Variants in B2M observed in about 807,000 individuals in gnomAD.
The protein encoded by B2M is beta-2-microglobulin, also known as beta chain of MHC class I molecules.
Under a neutral mutation model 14.5 loss-of-function variants are expected in B2M, and 3 were observed. The observed-to-expected ratio is 0.21, with a 90% CI of 0.09 to 0.53. B2M has a LOEUF of 0.53. B2M is among the 20% of genes least tolerant of loss of function. B2M has a pLI of 0.95. For missense variants in B2M, 107 were observed against 140.8 expected (o/e 0.76, Z 1.21); for synonymous variants, 45 against 52.7 (o/e 0.85, Z 0.64).
chr15:44,715,393 A>G, intron 1 of B2M, 30 bp from the exon 2 acceptor site: 2 of 1,607,260 alleles, frequency 1.2e-6, no homozygotes, highest in Non-Finnish European at 1.7e-6. Flanking sequence ...CCCTGGCAAT[A>G]TTAATGTGTC....
At position 44,715,500 on chromosome 15, in the gene B2M, G is replaced by A; in HGVS notation, c.145G>A (p.Gly49Arg). The change falls in exon 2 of 4, where the codon GGG (glycine) becomes AGG (arginine). Residue 49 changes from glycine (G) to arginine (R), a missense_variant. By Grantham distance (125) the Gly-to-Arg change is moderately radical (BLOSUM62 -2). Transcript: ENST00000648006. ...KSNFLNCYVS[G>R]FHPSDIEVDL... Reference sequence around the variant, plus strand: ...AAATTTCCTGAATTGCTATGTGTCTGGGTTTCATCCATCCGACATTGAAGT... The same window carrying A: ...AAATTTCCTGAATTGCTATGTGTCTAGGTTTCATCCATCCGACATTGAAGT... 1.9e-6 allele frequency: 3 copies of A among 1,614,130 alleles called. No individual in the cohort carries two copies. The highest frequency in any genetic ancestry group is 2.5e-6 in the Non-Finnish European group (3 of 1,180,002).
chr15:44,711,529 G>T lies in B2M; in HGVS notation c.-18G>T. On this transcript the variant is annotated 5_prime_UTR_variant, in exon 1 of 4. Transcript: ENST00000648006. ...CGCGCTGGCGGGCATTCCTGAAGCT[G>T]ACAGCATTCGGGCCGAGATGTCTCG... 1 of 1,613,554 alleles carries T rather than the reference G, an allele frequency of 6.2e-7. No homozygotes were observed.
At chr15:44,711,919 T>C (rs1019634739) in intron 1 of B2M, 27 of 548,738 alleles carry the variant, frequency 4.9e-5, no homozygotes, top group African/African-American at 4.4e-4. Flanking sequence ...AGCGCCGAGG[T>C]TGGGGGAGGG....
chr15:44,716,142 T>C, intron 2 of B2M, 187 bp from the exon 3 acceptor site: 1 of 663,526 alleles, frequency 1.5e-6, no homozygotes, highest in Non-Finnish European at 2.6e-6. Context: ...TCTGGCTGGA[T>C]TGGTATCTGA....
rs1204151497 is a variant in B2M, at chr15:44,715,461, G to C, written c.106G>C (p.Glu36Gln). ...TCAGGTTTACTCACGTCATCCAGCA[G>C]AGAATGGAAAGTCAAATTTCCTGAA... is the stretch of plus-strand genomic sequence containing the variant. ...KIQVYSRHPAENGKSNFLNCY... is the reference protein window; with the variant it reads ...KIQVYSRHPAQNGKSNFLNCY... The change falls in exon 2 of 4, where the codon GAG becomes CAG. Residue 36 changes from glutamate (E) to glutamine (Q), a missense_variant. Transcript: ENST00000648006. 6.2e-7 allele frequency: 1 copy of C among 1,614,134 alleles called. No homozygotes were observed. Among genetic ancestry groups the C allele is most frequent in the East Asian group, 2.2e-5 (1 of 44,882 alleles).
Position 44,715,618 on chromosome 15 carries a change from C to A in B2M, c.263C>A (p.Thr88Asn), listed in dbSNP as rs1350126569. Residue 88 changes from threonine to asparagine, a missense_variant, in exon 2 of 4, where the codon ACT (threonine) becomes AAT (asparagine). Transcript: ENST00000648006. ...KDWSFYLLYY[T>N]EFTPTEKDEY... ...TGGTCTTTCTATCTCTTGTACTACA[C>A]TGAATTCACCCCCACTGAAAAAGAT... The A allele has an allele frequency of 6.2e-7, 1 of 1,614,176 alleles. No homozygotes were observed. The highest frequency in any genetic ancestry group is 8.5e-7 in the Non-Finnish European group (1 of 1,180,010).
intron 1 of B2M, chr15:44,712,000 T>C: frequency 2.7e-6 from 1 of 364,776 alleles, no homozygotes; most frequent in Non-Finnish European, 5.3e-6. Context: ...GGTAGGCTCG[T>C]CCCAAAGGCG....
chr15:44,712,030 C>T (rs925492573), intron 1 of B2M: 7 of 288,026 alleles, frequency 2.4e-5, no homozygotes, highest in Non-Finnish European at 4.8e-5. Context: ...GGTTTGTGAA[C>T]GCGTGGAGGG....
intron 1 of B2M, chr15:44,712,090 G>C: frequency 3.1e-6 from 1 of 318,706 alleles, no homozygotes; most frequent in South Asian, 2.8e-5. Flanking sequence ...GTCTGCTGCG[G>C]CTCTGCTTCC....
At chr15:44,712,918 CTTGAGCT>C (rs1358123611) in intron 1 of B2M, 2 of 150,698 alleles carry the variant, frequency 1.3e-5, no homozygotes, top group African/African-American at 4.9e-5. Context: ...GGGAGGATCT[CTTGAGCT>C]TAGGCTTTTG....
intron 3 of B2M, chr15:44,716,703 AC>A (rs2086945688): frequency 2.8e-6 from 1 of 363,326 alleles, no homozygotes; most frequent in Non-Finnish European, 5.1e-6. Context: ...GAGAAAATGA[AC>A]CACTCTTTTC....
At chr15:44,716,220 C>A in intron 2 of B2M, 109 bp from the exon 3 acceptor site, 1 of 1,299,260 alleles carries the variant, frequency 7.7e-7, no homozygotes, top group Non-Finnish European at 1.1e-6. Context: ...GGAACAGCAG[C>A]CTATTCTGCC....
chr15:44,716,293 T>G (rs767484741), intron 2 of B2M, 36 bp from the exon 3 acceptor site: 1 of 1,600,692 alleles, frequency 6.2e-7, no homozygotes, highest in Non-Finnish European at 8.6e-7. Context: ...TAAAACTTAA[T>G]GTCTTCCTTT....
chr15:44,713,433 A>G (rs1381862253), intron 1 of B2M: 1 of 152,228 alleles, frequency 6.6e-6, no homozygotes, highest in Non-Finnish European at 1.5e-5. Flanking sequence ...ACATGTAATG[A>G]TGATTGCCTC....
At chr15:44,716,210 G>T in intron 2 of B2M, 119 bp from the exon 3 acceptor site, 1 of 1,207,418 alleles carries the variant, frequency 8.3e-7, no homozygotes, top group South Asian at 1.2e-5. Flanking sequence ...TTCATGGGTA[G>T]GAACAGCAGC....
rs1183112448 is a variant in B2M, at chr15:44,711,559, G to A, written c.13G>A (p.Val5Met). 1 of 1,613,898 alleles carries A rather than the reference G, an allele frequency of 6.2e-7. No individual in the cohort carries two copies. The change falls in exon 1 of 4, where the codon GTG (valine) becomes ATG (methionine). Residue 5 changes from valine (V) to methionine (M), a missense_variant. Transcript: ENST00000648006. MSRS[V>M]ALAVLALLSL... ...CATTCGGGCCGAGATGTCTCGCTCC[G>A]TGGCCTTAGCTGTGCTCGCGCTACT... is the stretch of plus-strand genomic sequence containing the variant.
At chr15:44,715,895 A>T in intron 2 of B2M, 194 bp downstream of exon 2, 1 of 728,678 alleles carries the variant, frequency 1.4e-6, no homozygotes, top group South Asian at 1.6e-5. Context: ...CTGCTGAGAT[A>T]CTGATGCACA....
chr15:44,711,622 C>G lies in B2M; in HGVS notation c.67+9C>G. 1 of 1,611,794 alleles carries G rather than the reference C, an allele frequency of 6.2e-7. No individual in the cohort carries two copies. ...CCTGGAGGCTATCCAGCGTGAGTCT[C>G]TCCTACCCTCCCGCTCTGGTCCTTC... On this transcript the variant is annotated intron_variant, in intron 1 of 3. Transcript: ENST00000648006.
At chr15:44,717,108 G>A (rs1480407217) in intron 3 of B2M, 1 of 152,226 alleles carries the variant, frequency 6.6e-6, no homozygotes. Context: ...AAATTGTAGA[G>A]CCAGGACCTG....
Sources: gnomAD v4.1 joint callset for allele counts on GRCh38, gnomAD v4.1.1 for gene constraint, MANE v1.5 for transcripts, NCBI Gene and HGNC (gene_info 2026-07-23, HGNC 2026-07-21) for gene names.